ATG7: variants seen among roughly 807,000 people sequenced by gnomAD.
The protein encoded by ATG7 is ubiquitin-like modifier-activating enzyme ATG7.
ATG7 carries 70 observed loss-of-function variants against 82.4 expected under a neutral mutation model. The ratio of observed to expected loss-of-function variants is 0.85; its 90% CI spans 0.70 to 1.04. ATG7 has a LOEUF of 1.04. ATG7 is among the 50% of genes least tolerant of loss of function. The pLI, the probability that ATG7 is intolerant of heterozygous loss-of-function variation, is 0.00. For synonymous variants in ATG7, 287 were observed against 313.0 expected (o/e 0.92, Z 0.88); for missense variants, 792 against 864.3 (o/e 0.92, Z 1.05).
chr3:11,486,726 T>C (rs150115586), intron 20 of ATG7, among the ~76,000 whole-genome samples: 1,873 of 152,312 alleles, frequency 0.012, 36 homozygotes, highest in African/African-American at 0.042. Flanking sequence ...GTACCTAATT[T>C]ATTGAGAGTT....
At chr3:11,345,484 T>C (rs566067903) in intron 13 of ATG7, among the ~76,000 whole-genome samples, 12 of 152,340 alleles carry the variant, frequency 7.9e-5, no homozygotes, top group African/African-American at 2.9e-4. Flanking sequence ...TACAGATGTT[T>C]CTGTGTTGAC....
intron 19 of ATG7, among the ~76,000 whole-genome samples, chr3:11,393,807 A>G (rs998887848): frequency 3.3e-5 from 5 of 152,092 alleles, no homozygotes; most frequent in Admixed American, 6.6e-5. Flanking sequence ...CACCCTCGCA[A>G]GTAGCTGGGA....
the ATG7 span, among the ~76,000 whole-genome samples, chr3:11,573,328 A>C: frequency 1.8e-3 from 84 of 47,888 alleles, no homozygotes; most frequent in African/African-American, 3.8e-3. Flanking sequence ...AGAAAGAAAG[A>C]AAGAAAGAAA....
intron 19 of ATG7, among the ~76,000 whole-genome samples, chr3:11,389,969 T>G (rs745727712): frequency 2.5e-4 from 38 of 152,234 alleles, no homozygotes; most frequent in Middle Eastern, 3.2e-3. Flanking sequence ...TAGTTCTCAG[T>G]TGTACTTTGC....
intron 5 of ATG7, among the ~76,000 whole-genome samples, chr3:11,300,059 G>T (rs375651898): frequency 6.6e-5 from 10 of 151,950 alleles, no homozygotes; most frequent in East Asian, 1.9e-4. Context: ...CAAGTAGCTG[G>T]GACTACAAGC....
intron 20 of ATG7, among the ~76,000 whole-genome samples, chr3:11,528,564 T>C (rs2092631542): frequency 6.6e-6 from 1 of 152,164 alleles, no homozygotes; most frequent in South Asian, 2.1e-4. Context: ...CAGTGACTCA[T>C]TCCTGTAATC....
At position 11,390,019 on chromosome 3, in the gene ATG7, C is replaced by T. The variant is rs538631887; in HGVS notation, c.1956+9967C>T. On this transcript the variant is annotated intron_variant, in intron 19 of 20. Transcript: ENST00000693202. The stretch of plus-strand genomic sequence containing the variant: ...ATATGTCAGCTCTTCCACAAAGGAC[C>T]TTGAAGGGAGAGGGTAACGAAAGTG... Among the ~76,000 whole-genome samples the T allele has an allele frequency of 1.3e-4, 20 of 152,264 alleles. No individual in the cohort carries two copies. The South Asian group carries it at 4.1e-3, about 32-fold the overall frequency.
chr3:11,361,134 C>A (rs1479430885), intron 16 of ATG7, among the ~76,000 whole-genome samples: 1 of 152,282 alleles, frequency 6.6e-6, no homozygotes, highest in Non-Finnish European at 1.5e-5. Context: ...CAGATTCCAT[C>A]AATGGCTTGA....
chr3:11,553,339 G>T (rs998355194), intron 20 of ATG7, among the ~76,000 whole-genome samples: 13 of 152,192 alleles, frequency 8.5e-5, no homozygotes, highest in African/African-American at 3.1e-4. Flanking sequence ...TTCGCAGCAG[G>T]TCTACACAGC....
intron 5 of ATG7, among the ~76,000 whole-genome samples, chr3:11,303,553 A>G (rs1947146119): frequency 6.6e-6 from 1 of 151,458 alleles, no homozygotes; most frequent in Admixed American, 6.6e-5. Flanking sequence ...CTGTAGTCCC[A>G]GCTGCTTGAG....
intron 20 of ATG7, among the ~76,000 whole-genome samples, chr3:11,448,239 C>T (rs1206219177): frequency 6.6e-6 from 1 of 152,238 alleles, no homozygotes; most frequent in African/African-American, 2.4e-5. Flanking sequence ...GAGATTGGAG[C>T]ACAGTGCCTC....
intron 19 of ATG7, among the ~76,000 whole-genome samples, chr3:11,395,813 G>A (rs945809773): frequency 5.9e-5 from 9 of 151,834 alleles, no homozygotes; most frequent in East Asian, 1.9e-4. Context: ...GGTGGTGGGC[G>A]CCTGTAGTCC....
At chr3:11,433,526 T>TAG (rs1377515574) in intron 20 of ATG7, among the ~76,000 whole-genome samples, 21 of 152,286 alleles carry the variant, frequency 1.4e-4, no homozygotes, top group African/African-American at 4.6e-4. Flanking sequence ...TGAATGTAAC[T>TAG]AGAGATAAGA....
At position 11,394,530 on chromosome 3, in the gene ATG7, G is replaced by A. The variant is rs75474760; in HGVS notation, c.1956+14478G>A. Among the ~76,000 whole-genome samples the A allele has an allele frequency of 4.9e-3, 747 of 152,284 alleles. 33 individuals carry two copies. In the East Asian group the frequency reaches 0.13, roughly 26 times the overall value. The stretch of plus-strand genomic sequence containing the variant: ...ATCAGGAAAAGGAAGTTGAGAGCGT[G>A]AGCCACACCTTTAGTGTCCTTTCAA... On this transcript the variant is annotated intron_variant, in intron 19 of 20. Transcript: ENST00000693202.
At position 11,488,294 on chromosome 3, in the gene ATG7, C is replaced by T. The variant is rs955756900; in HGVS notation, c.2079+61368C>T. The T allele has an allele frequency of 2.0e-4, 58 of 286,876 alleles. No homozygotes were observed. The Middle Eastern group carries it at 3.0e-3, about 15-fold the overall frequency. The allele number at this position is 286,876 out of a possible 1,614,324, so 17.8% of individuals were successfully genotyped here. ...CGGCACTTTGGGAGGCCAAGGCAGG[C>T]GGCTGCTCCTTGCCCTCGGGCCCCG... On this transcript the variant is annotated intron_variant, in intron 20 of 20. Coordinates refer to ENST00000693202, the MANE Select transcript of ATG7 (RefSeq NM_001349232.2).
At chr3:11,393,073 G>A (rs1472235876) in intron 19 of ATG7, among the ~76,000 whole-genome samples, 2 of 152,128 alleles carry the variant, frequency 1.3e-5, no homozygotes, top group African/African-American at 2.4e-5. Context: ...TTTCATTGGC[G>A]CAGGTGATGG....
chr3:11,276,177 G>T (rs1243170830), intron 1 of ATG7, among the ~76,000 whole-genome samples: 1 of 151,956 alleles, frequency 6.6e-6, no homozygotes, highest in Admixed American at 6.6e-5. Flanking sequence ...CTTGACTTTT[G>T]CTCCACTAAG....
intron 14 of ATG7, among the ~76,000 whole-genome samples, chr3:11,355,308 A>G (rs185773010): frequency 3.0e-4 from 45 of 152,286 alleles, no homozygotes; most frequent in Non-Finnish European, 4.3e-4. Flanking sequence ...TTCGAGGGGA[A>G]AGCATCTTAG....
chr3:11,440,674 CTTTTTTTTTTT>C (rs72177700), intron 20 of ATG7, among the ~76,000 whole-genome samples: 7 of 39,484 alleles, frequency 1.8e-4, no homozygotes, highest in South Asian at 1.6e-3. Context: ...TCCCCATTTG[CTTTTTTTTTTT>C]TTTTTTTTTT....
Sources: allele counts gnomAD v4.1 joint callset (sites outside exome capture counted in the v4.1 genomes callset), GRCh38; gene constraint gnomAD v4.1.1; transcripts MANE v1.5; gene names NCBI Gene and HGNC (gene_info 2026-07-23, HGNC 2026-07-21).